Variants in GRIK2 observed in about 807,000 individuals in gnomAD.
GRIK2 encodes the protein glutamate ionotropic receptor kainate type subunit 2, also known as glutamate receptor ionotropic, kainate 2.
GRIK2 carries 32 observed loss-of-function variants against 100.3 expected under a neutral mutation model. The observed-to-expected ratio is 0.32, with a 90% CI of 0.24 to 0.43. GRIK2 has a LOEUF of 0.43. GRIK2 is among the 20% of genes least tolerant of loss of function. The pLI, the probability that GRIK2 is intolerant of heterozygous loss-of-function variation, is 1.00. For missense variants in GRIK2, 843 were observed against 1,114.9 expected (o/e 0.76, Z 3.47); for synonymous variants, 417 against 389.4 (o/e 1.07, Z -0.83).
chr6:101,477,831 G>T (rs561661868), intron 2 of GRIK2, among the ~76,000 whole-genome samples: 2 of 152,240 alleles, frequency 1.3e-5, no homozygotes, highest in South Asian at 4.1e-4. Flanking sequence ...CTCTTTACTA[G>T]TTTAGACTGT....
intron 2 of GRIK2, among the ~76,000 whole-genome samples, chr6:101,510,081 TTAAAA>T (rs1169374301): frequency 6.6e-5 from 10 of 152,324 alleles, no homozygotes; most frequent in South Asian, 2.1e-4. Context: ...TAAATTCCAC[TTAAAA>T]TAAGATTTCA....
intron 14 of GRIK2, among the ~76,000 whole-genome samples, chr6:101,999,383 C>A (rs1366898116): frequency 6.6e-6 from 1 of 152,050 alleles, no homozygotes; most frequent in Non-Finnish European, 1.5e-5. Flanking sequence ...TGTATTTCAT[C>A]ATTAATGTTT....
At chr6:102,048,887 C>T (rs768986208) in intron 15 of GRIK2, among the ~76,000 whole-genome samples, 1 of 151,764 alleles carries the variant, frequency 6.6e-6, no homozygotes, top group Non-Finnish European at 1.5e-5. Context: ...AAACAAATGT[C>T]CTTTCGGAGG....
intron 14 of GRIK2, among the ~76,000 whole-genome samples, chr6:101,983,142 A>G (rs1793817097): frequency 6.6e-6 from 1 of 151,858 alleles, no homozygotes; most frequent in Non-Finnish European, 1.5e-5. Context: ...TATGTACAGT[A>G]AACTGACAGT....
chr6:101,700,296 C>A (rs534609319), intron 7 of GRIK2, among the ~76,000 whole-genome samples: 2 of 151,694 alleles, frequency 1.3e-5, no homozygotes, highest in Non-Finnish European at 2.9e-5. Context: ...CTGCTATAAA[C>A]GTTATAAAAA....
chr6:101,484,538 TACACACACACACAC>T (rs138774364), intron 2 of GRIK2, among the ~76,000 whole-genome samples: 3 of 148,030 alleles, frequency 2.0e-5, no homozygotes, highest in African/African-American at 2.5e-5. Context: ...TATATGTAAC[TACACACACACACAC>T]ACACACACAC....
rs112741167 is a variant in GRIK2, at chr6:101,543,869, A to G, written c.116-78080A>G. Among the ~76,000 whole-genome samples, 225 of 152,336 alleles carry G rather than the reference A, an allele frequency of 1.5e-3. 2 individuals are homozygous for G. Among genetic ancestry groups the G allele is most frequent in the African/African-American group, 5.3e-3 (220 of 41,580 alleles). The stretch of plus-strand genomic sequence containing the variant: ...AACAATAAATTGTCAATTACAGAGA[A>G]ATGCTTAGTAAGGGGATGGCCAAAA... On this transcript the variant is annotated intron_variant, in intron 2 of 16. Transcript: ENST00000369134.
At chr6:101,581,203 C>T (rs572211300) in intron 2 of GRIK2, among the ~76,000 whole-genome samples, 11 of 148,394 alleles carry the variant, frequency 7.4e-5, no homozygotes, top group South Asian at 6.3e-4. Context: ...CATATATATA[C>T]GCATATATAT....
chr6:101,540,247 A>G (rs1775918517), intron 2 of GRIK2, among the ~76,000 whole-genome samples: 1 of 151,942 alleles, frequency 6.6e-6, no homozygotes, highest in Non-Finnish European at 1.5e-5. Context: ...TGCCAGTGTC[A>G]GTTTAAGTTT....
intron 2 of GRIK2, among the ~76,000 whole-genome samples, chr6:101,615,956 C>T (rs1041321059): frequency 6.6e-6 from 1 of 151,650 alleles, no homozygotes; most frequent in Admixed American, 6.6e-5. Flanking sequence ...TATATATGCC[C>T]CTGATTTCCT....
intron 15 of GRIK2, among the ~76,000 whole-genome samples, chr6:102,052,354 A>G (rs1265712782): frequency 6.6e-6 from 1 of 152,172 alleles, no homozygotes; most frequent in Non-Finnish European, 1.5e-5. Flanking sequence ...TAATAAGCCC[A>G]TTAACTTTGT....
rs189543652 is a variant in GRIK2 at position 101,579,624 on chromosome 6, G to A, written c.116-42325G>A. Among the ~76,000 whole-genome samples, 385 of 151,910 alleles carry A rather than the reference G, an allele frequency of 2.5e-3. 3 individuals carry two copies. The highest frequency in any genetic ancestry group is 8.9e-3 in the African/African-American group (370 of 41,466). ...TCCCAGCACTTTGGGAGGCCAAGGC[G>A]GGTGGATCACAAGGTCAAGAGATCA... On this transcript the variant is annotated intron_variant, in intron 2 of 16. Coordinates refer to ENST00000369134, the MANE Select transcript of GRIK2 (RefSeq NM_021956.5).
At chr6:101,975,082 G>A (rs1040649265) in intron 14 of GRIK2, among the ~76,000 whole-genome samples, 6 of 152,030 alleles carry the variant, frequency 3.9e-5, no homozygotes, top group African/African-American at 1.4e-4. Flanking sequence ...AAAAAGGAAG[G>A]AGTCAAGGAT....
At chr6:101,936,931 A>G (rs887162914) in intron 14 of GRIK2, among the ~76,000 whole-genome samples, 1 of 152,124 alleles carries the variant, frequency 6.6e-6, no homozygotes, top group Non-Finnish European at 1.5e-5. Context: ...AGTGAATTCA[A>G]TGGTTAAAAA....
chr6:101,860,045 T>G (rs912013300), intron 11 of GRIK2, among the ~76,000 whole-genome samples: 1 of 152,164 alleles, frequency 6.6e-6, no homozygotes, highest in Non-Finnish European at 1.5e-5. Context: ...AATAACATGT[T>G]TGTCACCTTC....
chr6:101,865,975 T>C (rs1413061936), intron 11 of GRIK2, among the ~76,000 whole-genome samples: 1 of 148,012 alleles, frequency 6.8e-6, no homozygotes, highest in Non-Finnish European at 1.5e-5. Context: ...TGTTGGGGAG[T>C]AGAAACACTA....
chr6:101,807,213 T>A (rs1004966448), intron 9 of GRIK2, among the ~76,000 whole-genome samples: 1 of 151,662 alleles, frequency 6.6e-6, no homozygotes, highest in East Asian at 1.9e-4. Flanking sequence ...GATCAGTGGG[T>A]TGGGGTCATG....
intron 2 of GRIK2, among the ~76,000 whole-genome samples, chr6:101,468,315 A>G (rs941991973): frequency 6.6e-6 from 1 of 152,078 alleles, no homozygotes; most frequent in African/African-American, 2.4e-5. Context: ...TTTACTTTTC[A>G]TTCTTTCACT....
At chr6:101,543,105 A>G (rs1248369485) in intron 2 of GRIK2, among the ~76,000 whole-genome samples, 1 of 152,112 alleles carries the variant, frequency 6.6e-6, no homozygotes, top group African/African-American at 2.4e-5. Flanking sequence ...ACAAGCAAAC[A>G]AAAAAAGGAC....
Sources: allele counts gnomAD v4.1 joint callset (sites outside exome capture counted in the v4.1 genomes callset), GRCh38; gene constraint gnomAD v4.1.1; transcripts MANE v1.5; gene names NCBI Gene and HGNC (gene_info 2026-07-23, HGNC 2026-07-21).